Variants in AURKA observed in about 807,000 individuals in gnomAD.
The protein encoded by AURKA is aurora kinase A.
Under a neutral mutation model 40.9 loss-of-function variants are expected in AURKA, and 12 were observed. That is an observed-to-expected ratio of 0.29 (90% confidence interval 0.19 to 0.48). The LOEUF (loss-of-function observed/expected upper bound fraction) is 0.48. Ranked by LOEUF, AURKA falls within the 20% of genes least tolerant of loss-of-function variation. The pLI is 0.99. For missense variants in AURKA, 322 were observed against 462.1 expected, an observed-to-expected ratio of 0.70 and a Z score of 2.78; for synonymous variants, 170 against 164.3, an observed-to-expected ratio of 1.03 and a Z score of -0.26.
At chr20:56,377,095 A>T (rs758265072) in intron 6 of AURKA, among the ~76,000 whole-genome samples, 49 of 151,184 alleles carry the variant, frequency 3.2e-4, no homozygotes, top group Admixed American at 6.6e-4. Flanking sequence ...AAAAAAAACA[A>T]CCTGGGCAAC....
intron 6 of AURKA, among the ~76,000 whole-genome samples, chr20:56,375,675 T>A (rs1984835450): frequency 6.6e-6 from 1 of 152,168 alleles, no homozygotes; most frequent in South Asian, 2.1e-4. Flanking sequence ...CAGACCACAA[T>A]AAACTGAAGG....
chr20:56,378,958 G>A (rs971537842), intron 6 of AURKA, among the ~76,000 whole-genome samples: 5 of 151,980 alleles, frequency 3.3e-5, no homozygotes, highest in African/African-American at 1.2e-4. Context: ...TCATAATGGT[G>A]GATACATGGC....
intron 1 of AURKA, among the ~76,000 whole-genome samples, chr20:56,389,840 C>A (rs949461650): frequency 1.3e-5 from 2 of 152,218 alleles, no homozygotes; most frequent in African/African-American, 4.8e-5. Flanking sequence ...TTCATTTAAT[C>A]CACCAGCATA....
intron 3 of AURKA, among the ~76,000 whole-genome samples, chr20:56,385,031 C>T (rs1281613361): frequency 2.0e-5 from 3 of 152,198 alleles, no homozygotes; most frequent in African/African-American, 7.2e-5. Context: ...ACCCCCAGGA[C>T]ACTCACTCAA....
chr20:56,380,002 C>CA (rs901407427), intron 6 of AURKA, among the ~76,000 whole-genome samples: 19 of 145,014 alleles, frequency 1.3e-4, no homozygotes, highest in East Asian at 2.1e-4. Context: ...AAAAACAAAC[C>CA]AAAAAAAAAC....
At chr20:56,374,231 TACA>T (rs1245619343) in intron 6 of AURKA, among the ~76,000 whole-genome samples, 1 of 152,134 alleles carries the variant, frequency 6.6e-6, no homozygotes, top group African/African-American at 2.4e-5. Context: ...AACCTAAAGT[TACA>T]ACACCATACG....
Position 56,381,426 on chromosome 20 carries a change from C to G in AURKA, c.705+7G>C. 6.2e-7 allele frequency: 1 copy of G among 1,612,302 alleles called. No individual in the cohort carries two copies. On this transcript the variant is annotated splice_region_variant and intron_variant, in intron 6 of 8. Transcript: ENST00000395915. ...ACAATTAGCCTGGACAATAAATGAA[C>G]ACTTACAGTAGCAGTTCTCTGCTCA... is the stretch of plus-strand genomic sequence containing the variant.
chr20:56,383,448 G>A (rs146468156), intron 4 of AURKA, among the ~76,000 whole-genome samples: 178 of 152,304 alleles, frequency 1.2e-3, no homozygotes, highest in African/African-American at 4.0e-3. Flanking sequence ...TCCCAAGCCC[G>A]TACTATGCTC....
At chr20:56,372,638 A>AT (rs1984414957) in intron 7 of AURKA, among the ~76,000 whole-genome samples, 1 of 150,642 alleles carries the variant, frequency 6.6e-6, no homozygotes, top group East Asian at 1.9e-4. Context: ...CTCATATTCT[A>AT]TTTTAGGCTA....
chr20:56,369,738 C>T lies in AURKA; in HGVS notation c.*420G>A. 2.7e-6 allele frequency: 1 copy of T among 367,836 alleles called. No individual in the cohort carries two copies. Among genetic ancestry groups the T allele is most frequent in the South Asian group, 3.9e-5 (1 of 25,644 alleles). 22.8% of individuals were successfully genotyped at this position (367,836 alleles called of 1,614,324 possible). ...TTCCAACAGCTTTACCAGGCTTCGC[C>T]AACCCAATAAGTTACACACTCACTC... On this transcript the variant is annotated 3_prime_UTR_variant, in exon 9 of 9. Transcript: ENST00000395915.
chr20:56,391,747 C>G (rs1228569501), intron 1 of AURKA, among the ~76,000 whole-genome samples: 1 of 152,122 alleles, frequency 6.6e-6, no homozygotes, highest in African/African-American at 2.4e-5. Context: ...TCCTGCTTTT[C>G]CTCTGTAACA....
At chr20:56,374,355 A>G (rs59866521) in intron 6 of AURKA, among the ~76,000 whole-genome samples, 1,807 of 152,304 alleles carry the variant, frequency 0.012, 38 homozygotes, top group African/African-American at 0.042. Context: ...AAAAAAATGA[A>G]CTTTGCAAGT....
In AURKA at chr20:56,386,344, G is replaced by T; in HGVS notation, c.232C>A (p.Gln78Lys). Reference protein sequence around the residue: ...HKPVQNQKQKQLQATSVPHPV... With the variant: ...HKPVQNQKQKKLQATSVPHPV... ...TGAGGTACACTGGTTGCCTGCAATTGCTTCTGCTTCTGATTCTGAACCGGC... is the reference window on the plus strand; with the variant it reads ...TGAGGTACACTGGTTGCCTGCAATTTCTTCTGCTTCTGATTCTGAACCGGC... The change falls in exon 3 of 9, where the codon CAA becomes AAA. Residue 78 changes from glutamine to lysine, a missense_variant. Gln to Lys is a moderately conservative substitution (Grantham distance 53). Transcript: ENST00000395915. 6.2e-7 allele frequency: 1 copy of T among 1,614,214 alleles called. No homozygotes were observed. The highest frequency in any genetic ancestry group is 8.5e-7 in the Non-Finnish European group (1 of 1,180,040).
intron 6 of AURKA, among the ~76,000 whole-genome samples, chr20:56,379,688 G>A (rs149877473): frequency 5.3e-5 from 8 of 152,158 alleles, no homozygotes; most frequent in Non-Finnish European, 1.0e-4. Flanking sequence ...AAGGCCAGGC[G>A]TGGTGGCTCA....
At chr20:56,371,190 C>T (rs1051051673) in intron 7 of AURKA, among the ~76,000 whole-genome samples, 9 of 151,880 alleles carry the variant, frequency 5.9e-5, no homozygotes, top group Non-Finnish European at 8.8e-5. Flanking sequence ...TGGCTGGGTG[C>T]AGTGGCTCAT....
At position 56,386,307 on chromosome 20, in the gene AURKA, C is replaced by G. The variant is rs1376513260; in HGVS notation, c.269G>C (p.Arg90Thr). 6.2e-7 allele frequency: 1 copy of G among 1,614,218 alleles called. No homozygotes were observed. The highest frequency in any genetic ancestry group is 1.1e-5 in the South Asian group (1 of 91,080). Residue 90 changes from arginine to threonine, a missense_variant, in exon 3 of 9, where the codon AGG (arginine) becomes ACG (threonine). Coordinates refer to ENST00000395915, the MANE Select transcript of AURKA (RefSeq NM_198437.3). ...QATSVPHPVSRPLNNTQKSKQ... is the reference protein window; with the variant it reads ...QATSVPHPVSTPLNNTQKSKQ... ...GCTCTTTTGGGTGTTATTCAGTGGCCTGGAGACAGGATGAGGTACACTGGT... is the reference window on the plus strand; with the variant it reads ...GCTCTTTTGGGTGTTATTCAGTGGCGTGGAGACAGGATGAGGTACACTGGT...
chr20:56,369,586 GA>G lies in AURKA; in HGVS notation c.*571del, dbSNP rs1983823509. 7.8e-6 allele frequency: 2 copies of G among 256,316 alleles called. No individual in the cohort carries two copies. The highest frequency in any genetic ancestry group is 1.5e-5 in the Non-Finnish European group (2 of 130,022). 15.9% of individuals were successfully genotyped at this position (256,316 alleles called of 1,614,324 possible). A position where few individuals can be genotyped will look rare whatever the true frequency, so the allele number is the denominator to read the frequency against. ...GGAGATAAGTGGTTAAGGAGGACTA[GA>G]AACCCAATCAGGCCTACCGGGGTGC... On this transcript the variant is annotated 3_prime_UTR_variant, in exon 9 of 9. Coordinates refer to ENST00000395915, the MANE Select transcript of AURKA (RefSeq NM_198437.3).
At chr20:56,372,424 A>G (rs1004349549) in intron 7 of AURKA, among the ~76,000 whole-genome samples, 2 of 152,032 alleles carry the variant, frequency 1.3e-5, no homozygotes, top group African/African-American at 2.4e-5. Context: ...CTTTTCTATC[A>G]CAATTCAACC....
intron 6 of AURKA, among the ~76,000 whole-genome samples, chr20:56,378,139 C>A (rs1282816753): frequency 1.3e-5 from 2 of 152,120 alleles, no homozygotes; most frequent in Non-Finnish European, 1.5e-5. Context: ...GTCTGGGCGA[C>A]AGTGAGACCT....
Sources: gnomAD v4.1 joint callset for allele counts (sites outside exome capture counted in the v4.1 genomes callset) on GRCh38, gnomAD v4.1.1 for gene constraint, MANE v1.5 for transcripts, NCBI Gene and HGNC (gene_info 2026-07-23, HGNC 2026-07-21) for gene names.